Variants in RAB10 observed in about 807,000 individuals in gnomAD.
The protein encoded by RAB10 is RAB10, member RAS oncogene family, also known as ras-related protein Rab-10.
A neutral mutation model predicts 25.7 loss-of-function variants in RAB10; 5 were observed. The ratio of observed to expected loss-of-function variants is 0.19; its 90% CI spans 0.10 to 0.41. RAB10 has a LOEUF of 0.41. RAB10 is among the 10% of genes least tolerant of loss of function. RAB10 has a pLI of 1.00. For missense variants in RAB10, 103 were observed against 245.8 expected (o/e 0.42, Z 3.89); for synonymous variants, 89 against 86.4 (o/e 1.03, Z -0.16).
chr2:26,116,328 C>A (rs2149286012), intron 3 of RAB10, among the ~76,000 whole-genome samples: 1 of 152,102 alleles, frequency 6.6e-6, no homozygotes, highest in South Asian at 2.1e-4. Flanking sequence ...CACAGGTCCA[C>A]TTAATATACA....
intron 5 of RAB10, among the ~76,000 whole-genome samples, chr2:26,131,110 T>C (rs1270976393): frequency 1.3e-5 from 2 of 151,920 alleles, no homozygotes; most frequent in Non-Finnish European, 2.9e-5. Flanking sequence ...GCTTTCCTTA[T>C]TATCATTATT....
At chr2:26,096,986 C>T (rs534293574) in intron 1 of RAB10, among the ~76,000 whole-genome samples, 1 of 152,244 alleles carries the variant, frequency 6.6e-6, no homozygotes, top group African/African-American at 2.4e-5. Context: ...CCTTGGGAGG[C>T]CAAGGCCGGT....
At chr2:26,125,577 G>A (rs1667888371) in intron 3 of RAB10, among the ~76,000 whole-genome samples, 1 of 151,290 alleles carries the variant, frequency 6.6e-6, no homozygotes, top group Non-Finnish European at 1.5e-5. Context: ...AGCCTCCTAA[G>A]TAGCTGGGAC....
intron 1 of RAB10, among the ~76,000 whole-genome samples, chr2:26,086,087 G>A (rs1641755288): frequency 6.7e-6 from 1 of 148,840 alleles, no homozygotes. Context: ...GGCTGAGGAG[G>A]GTGGATCACC....
chr2:26,048,214 G>GGTGTT lies in RAB10; in HGVS notation c.127+13479_127+13480insGTGTT, dbSNP rs564976971. Among the ~76,000 whole-genome samples the GGTGTT allele has an allele frequency of 4.3e-4, 65 of 152,090 alleles. 2 individuals are homozygous for GGTGTT. In the South Asian group the frequency reaches 0.013, roughly 30 times the overall value. ...GTGATCATAAATTTTTGTTTCTTTGGAATAAACACCCAAAACTGCAATTGT... is the reference window on the plus strand; with the variant it reads ...GTGATCATAAATTTTTGTTTCTTTGGGTGTTAATAAACACCCAAAACTGCAATTGT... On this transcript the variant is annotated intron_variant, in intron 1 of 5. Coordinates refer to ENST00000264710, the MANE Select transcript of RAB10 (RefSeq NM_016131.5).
intron 3 of RAB10, among the ~76,000 whole-genome samples, chr2:26,115,696 C>A (rs974610645): frequency 2.6e-5 from 4 of 152,040 alleles, no homozygotes; most frequent in African/African-American, 9.7e-5. Context: ...TAAAAAAACA[C>A]TGAATTGTAT....
rs530252071 is a variant in RAB10, at chr2:26,061,721, T to C, written c.127+26986T>C. On this transcript the variant is annotated intron_variant, in intron 1 of 5. Transcript: ENST00000264710. The stretch of plus-strand genomic sequence containing the variant: ...TTTCTCGCTTAACAGTAATTTTAAG[T>C]AGTCATCTCTCTTCACTTCATATCT... 4.3e-4 allele frequency among the ~76,000 whole-genome samples: 65 copies of C among 152,066 alleles called. 2 individuals carry two copies. The South Asian group carries it at 0.013, about 30-fold the overall frequency.
At chr2:26,123,914 T>C (rs1667854292) in intron 3 of RAB10, among the ~76,000 whole-genome samples, 1 of 152,156 alleles carries the variant, frequency 6.6e-6, no homozygotes, top group Non-Finnish European at 1.5e-5. Flanking sequence ...CCTTCCACCT[T>C]CTCTACCTCT....
At chr2:26,100,878 C>T (rs913024492) in intron 2 of RAB10, among the ~76,000 whole-genome samples, 2 of 151,116 alleles carry the variant, frequency 1.3e-5, no homozygotes, top group Admixed American at 1.3e-4. Context: ...GACAGCCTGA[C>T]ACCTGCCCTG....
At chr2:26,092,262 TGTGTGTGTGTGTGTGTG>T (rs1344443985) in intron 1 of RAB10, among the ~76,000 whole-genome samples, 1 of 188 alleles carries the variant, frequency 5.3e-3, no homozygotes, top group Non-Finnish European at 0.018. Context: ...TAGTGAGAGC[TGTGTGTGTGTGTGTGTG>T]TGTGTGTGTG....
chr2:26,093,343 A>G (rs1235280851), intron 1 of RAB10, among the ~76,000 whole-genome samples: 1 of 152,268 alleles, frequency 6.6e-6, no homozygotes, highest in South Asian at 2.1e-4. Context: ...TTGAAGTTTT[A>G]ATTATTGGTG....
At chr2:26,037,436 C>T (rs1168516568) in intron 1 of RAB10, among the ~76,000 whole-genome samples, 2 of 151,966 alleles carry the variant, frequency 1.3e-5, no homozygotes, top group African/African-American at 2.4e-5. Context: ...GTCGGAAGTT[C>T]GAGACCAGCC....
intron 1 of RAB10, among the ~76,000 whole-genome samples, chr2:26,076,822 T>G (rs534775276): frequency 9.9e-4 from 150 of 151,320 alleles, no homozygotes; most frequent in African/African-American, 3.4e-3. Flanking sequence ...CAGGCGCCTG[T>G]AATCCCAGCT....
At chr2:26,060,673 A>G (rs761450309) in intron 1 of RAB10, among the ~76,000 whole-genome samples, 8 of 152,228 alleles carry the variant, frequency 5.3e-5, no homozygotes, top group Non-Finnish European at 8.8e-5. Flanking sequence ...TAGGTAATTT[A>G]TCAAAGAAGG....
At chr2:26,069,515 A>G (rs1161172191) in intron 1 of RAB10, among the ~76,000 whole-genome samples, 1 of 151,756 alleles carries the variant, frequency 6.6e-6, no homozygotes, top group African/African-American at 2.4e-5. Context: ...AAAATACAAA[A>G]ATTAGCTGGG....
At chr2:26,049,048 T>A (rs1355784083) in intron 1 of RAB10, among the ~76,000 whole-genome samples, 1 of 152,178 alleles carries the variant, frequency 6.6e-6, no homozygotes, top group East Asian at 1.9e-4. Flanking sequence ...TGGATCATGC[T>A]TTTGGTATTT....
intron 1 of RAB10, among the ~76,000 whole-genome samples, chr2:26,067,348 A>G (rs1399575203): frequency 6.6e-6 from 1 of 152,242 alleles, no homozygotes; most frequent in Non-Finnish European, 1.5e-5. Context: ...ACTGTGTAAC[A>G]ATGAAAAGGT....
At chr2:26,124,334 T>A (rs972926768) in intron 3 of RAB10, among the ~76,000 whole-genome samples, 1 of 148,824 alleles carries the variant, frequency 6.7e-6, no homozygotes. Flanking sequence ...GGAAATGAAG[T>A]AACCGCAGCC....
intron 3 of RAB10, among the ~76,000 whole-genome samples, chr2:26,112,022 T>A (rs2149284624): frequency 6.6e-6 from 1 of 152,230 alleles, no homozygotes; most frequent in South Asian, 2.1e-4. Context: ...TACTTGGGAT[T>A]ACAGTTTCAT....
Sources: allele counts gnomAD v4.1 joint callset (sites outside exome capture counted in the v4.1 genomes callset), GRCh38; gene constraint gnomAD v4.1.1; transcripts MANE v1.5; gene names NCBI Gene and HGNC (gene_info 2026-07-23, HGNC 2026-07-21).